Variants in CTNNA2 observed in about 807,000 individuals in gnomAD.
The protein encoded by CTNNA2 is catenin alpha-2.
In CTNNA2, 42 loss-of-function variants were observed where a neutral mutation model predicts 101.0. That is an observed-to-expected ratio of 0.42 (90% CI 0.32 to 0.54). CTNNA2 has a LOEUF of 0.54. CTNNA2 is among the 20% of genes least tolerant of loss of function. CTNNA2 has a pLI of 0.14. For synonymous variants in CTNNA2, 450 were observed against 456.4 expected (o/e 0.99, Z 0.18); for missense variants, 871 against 1,223.1 (o/e 0.71, Z 4.29).
chr2:79,651,469 A>C (rs1681244031), intron 1 of CTNNA2, 83 bp from the exon 2 acceptor site: 1 of 1,292,896 alleles, frequency 7.7e-7, no homozygotes, highest in Non-Finnish European at 1.1e-6. Context: ...TCTAAGTTTC[A>C]GTGATTTACC....
At chr2:79,639,926 C>T (rs1235068017) in intron 1 of CTNNA2, among the ~76,000 whole-genome samples, 1 of 142,654 alleles carries the variant, frequency 7.0e-6, no homozygotes, top group Non-Finnish European at 1.5e-5. Flanking sequence ...TTTATTTTAA[C>T]TATAATTGTG....
intron 4 of CTNNA2, among the ~76,000 whole-genome samples, chr2:79,460,736 C>G (rs1670868663): frequency 6.6e-6 from 1 of 152,152 alleles, no homozygotes; most frequent in Admixed American, 6.5e-5. Context: ...TGATCACCCC[C>G]TTAGACTTAG....
chr2:79,920,478 A>G (rs747617647), intron 7 of CTNNA2, among the ~76,000 whole-genome samples: 3 of 152,226 alleles, frequency 2.0e-5, no homozygotes, highest in Non-Finnish European at 2.9e-5. Context: ...GGCCTGGCAC[A>G]TAGGAGGCTG....
chr2:80,554,052 T>C (rs1267768714), intron 11 of CTNNA2, among the ~76,000 whole-genome samples: 1 of 152,132 alleles, frequency 6.6e-6, no homozygotes, highest in African/African-American at 2.4e-5. Context: ...AAATCAGCAA[T>C]TTATAATGGT....
At chr2:79,898,695 T>G (rs1244928910) in intron 6 of CTNNA2, among the ~76,000 whole-genome samples, 2 of 152,132 alleles carry the variant, frequency 1.3e-5, no homozygotes, top group Non-Finnish European at 2.9e-5. Flanking sequence ...TCCTTATAAG[T>G]GAGAGTGTTA....
intron 4 of CTNNA2, among the ~76,000 whole-genome samples, chr2:79,493,479 G>T (rs1222839855): frequency 1.3e-5 from 2 of 152,128 alleles, no homozygotes; most frequent in African/African-American, 4.8e-5. Context: ...AGCCAGGTGT[G>T]GTGGCACATG....
chr2:79,512,653 G>T (rs1473024177), upstream of CTNNA2, among the ~76,000 whole-genome samples: 1 of 145,180 alleles, frequency 6.9e-6, no homozygotes, highest in African/African-American at 2.6e-5. Flanking sequence ...GTCCCCGCCC[G>T]CAGGGTAACG....
chr2:80,607,790 T>A (rs1698153045), intron 16 of CTNNA2, among the ~76,000 whole-genome samples: 1 of 151,874 alleles, frequency 6.6e-6, no homozygotes, highest in Non-Finnish European at 1.5e-5. Context: ...TGGCAGAGAG[T>A]GCCACACAAA....
chr2:80,604,286 T>G (rs1311021015), intron 16 of CTNNA2, 107 bp downstream of exon 16: 1 of 796,494 alleles, frequency 1.3e-6, no homozygotes, highest in African/African-American at 1.7e-5. Flanking sequence ...GAAGAATGAA[T>G]CAGAGGGGAG....
intron 1 of CTNNA2, among the ~76,000 whole-genome samples, chr2:79,615,838 G>A (rs1408902568): frequency 3.9e-5 from 6 of 152,160 alleles, no homozygotes; most frequent in Admixed American, 6.5e-5. Context: ...TTGTATGTGC[G>A]TGTTGGGGAG....
chr2:80,291,244 G>C (rs187684300), intron 7 of CTNNA2, among the ~76,000 whole-genome samples: 1 of 152,334 alleles, frequency 6.6e-6, no homozygotes, highest in African/African-American at 2.4e-5. Flanking sequence ...GATAGCAAAG[G>C]AGAATGCATA....
At chr2:80,410,649 C>A (rs1559086382) in intron 8 of CTNNA2, among the ~76,000 whole-genome samples, 1 of 152,120 alleles carries the variant, frequency 6.6e-6, no homozygotes, top group East Asian at 1.9e-4. Flanking sequence ...GGCATTTAAA[C>A]CATTCTAGTA....
intron 9 of CTNNA2, among the ~76,000 whole-genome samples, chr2:80,534,282 T>G (rs1173383281): frequency 6.6e-6 from 1 of 152,022 alleles, no homozygotes; most frequent in Non-Finnish European, 1.5e-5. Flanking sequence ...TTCTTCGTTG[T>G]ACCATGTGGC....
At chr2:79,425,440 G>A (rs906223808) in intron 4 of CTNNA2, among the ~76,000 whole-genome samples, 2 of 152,118 alleles carry the variant, frequency 1.3e-5, no homozygotes, top group African/African-American at 4.8e-5. Context: ...CATATTTGGA[G>A]GCTGGGAGTC....
At chr2:79,305,765 G>A (rs1676225338) in intron 2 of CTNNA2, among the ~76,000 whole-genome samples, 1 of 152,104 alleles carries the variant, frequency 6.6e-6, no homozygotes, top group Admixed American at 6.5e-5. Flanking sequence ...AAGGCACTTG[G>A]CCGGGTGCGG....
chr2:79,915,006 A>G (rs1686089257), intron 7 of CTNNA2, among the ~76,000 whole-genome samples: 1 of 152,046 alleles, frequency 6.6e-6, no homozygotes, highest in Admixed American at 6.6e-5. Flanking sequence ...GGACTAAAAT[A>G]GGATCTAAAA....
At chr2:80,610,213 T>C (rs560890850) in intron 17 of CTNNA2, among the ~76,000 whole-genome samples, 7 of 151,794 alleles carry the variant, frequency 4.6e-5, no homozygotes, top group Admixed American at 3.3e-4. Flanking sequence ...CACACCTACA[T>C]CTATAGTCTG....
At chr2:79,690,833 T>C (rs1292727388) in intron 2 of CTNNA2, among the ~76,000 whole-genome samples, 2 of 151,994 alleles carry the variant, frequency 1.3e-5, no homozygotes, top group East Asian at 1.9e-4. Flanking sequence ...AGGTTGTGTG[T>C]TCATATACTG....
At position 80,131,319 on chromosome 2, in the gene CTNNA2, A is replaced by G. The variant is rs55983169; in HGVS notation, c.1056+221522A>G. Among the ~76,000 whole-genome samples, 394 of 152,280 alleles carry G rather than the reference A, an allele frequency of 2.6e-3. 3 individuals are homozygous for G. Among genetic ancestry groups the G allele is most frequent in the African/African-American group, 8.7e-3 (362 of 41,568 alleles). On this transcript the variant is annotated intron_variant, in intron 7 of 18. Transcript: ENST00000402739. Reference sequence around the variant, plus strand: ...AGTGATCTGCCCGCCTTGGCCTCCCAAAGTGCTGGGATTACAGGCATAAGC... The same window carrying G: ...AGTGATCTGCCCGCCTTGGCCTCCCGAAGTGCTGGGATTACAGGCATAAGC...
Sources: gnomAD v4.1 joint callset for allele counts (sites outside exome capture counted in the v4.1 genomes callset) on GRCh38, gnomAD v4.1.1 for gene constraint, MANE v1.5 for transcripts, NCBI Gene and HGNC (gene_info 2026-07-23, HGNC 2026-07-21) for gene names.